Variants in IQSEC3 observed in about 807,000 individuals in gnomAD.
The protein encoded by IQSEC3 is IQ motif and Sec7 domain ArfGEF 3, also known as IQ motif and SEC7 domain-containing protein 3.
A neutral mutation model predicts 105.4 loss-of-function variants in IQSEC3; 50 were observed. The ratio of observed to expected loss-of-function variants is 0.47; its 90% CI spans 0.38 to 0.60. IQSEC3 has a LOEUF of 0.60. Among genes scored for constraint, IQSEC3 ranks in the 20% least tolerant of loss-of-function variants. The pLI is 0.00. For missense variants in IQSEC3, 1,415 were observed against 1,630.0 expected, an observed-to-expected ratio of 0.87 and a Z score of 2.27; for synonymous variants, 708 against 746.0, an observed-to-expected ratio of 0.95 and a Z score of 0.83.
chr12:109,164 C>T (rs1864785921), intron 2 of IQSEC3, among the ~76,000 whole-genome samples: 2 of 152,212 alleles, frequency 1.3e-5, no homozygotes, highest in South Asian at 4.1e-4. Flanking sequence ...TAACTGATCA[C>T]CAGCATTTAA....
At chr12:158,986 G>T (rs12298947) in intron 7 of IQSEC3, among the ~76,000 whole-genome samples, 4,131 of 152,186 alleles carry the variant, frequency 0.027, 164 homozygotes, top group African/African-American at 0.092. Context: ...TTTTAAGCAT[G>T]ATCTATTAAT....
At chr12:153,091 G>C (rs1186275686) in intron 5 of IQSEC3, among the ~76,000 whole-genome samples, 1 of 152,012 alleles carries the variant, frequency 6.6e-6, no homozygotes, top group Non-Finnish European at 1.5e-5. Flanking sequence ...TGAGAGAAGG[G>C]GAGGGAGCAA....
intron 1 of IQSEC3, among the ~76,000 whole-genome samples, chr12:73,908 T>C (rs546802676): frequency 3.2e-4 from 48 of 152,372 alleles, no homozygotes; most frequent in South Asian, 1.0e-3. Flanking sequence ...TGATCTGTAA[T>C]GCTGTCTCAC....
chr12:78,289 C>T (rs1193704960), intron 1 of IQSEC3, among the ~76,000 whole-genome samples: 10 of 151,762 alleles, frequency 6.6e-5, no homozygotes, highest in African/African-American at 2.4e-4. Flanking sequence ...CCGCGGCCTT[C>T]GGGCCGGGTG....
chr12:128,881 C>T (rs781835600), intron 3 of IQSEC3, among the ~76,000 whole-genome samples: 4 of 152,210 alleles, frequency 2.6e-5, no homozygotes, highest in Non-Finnish European at 4.4e-5. Context: ...TGGCTCCTCA[C>T]GGTGTGCAGG....
At chr12:127,410 T>C (rs374405128) in intron 3 of IQSEC3, among the ~76,000 whole-genome samples, 2 of 152,112 alleles carry the variant, frequency 1.3e-5, no homozygotes, top group South Asian at 4.1e-4. Context: ...TCCCAGCTAC[T>C]CAGGAGGCTG....
intron 2 of IQSEC3, among the ~76,000 whole-genome samples, chr12:108,273 G>T (rs942637007): frequency 6.6e-6 from 1 of 152,184 alleles, no homozygotes; most frequent in African/African-American, 2.4e-5. Flanking sequence ...ACTTTGTCCA[G>T]ATCTTTCCAA....
At chr12:157,892 C>T (rs782357537) in intron 7 of IQSEC3, among the ~76,000 whole-genome samples, 198 bp downstream of exon 7, 10 of 152,264 alleles carry the variant, frequency 6.6e-5, no homozygotes, top group Non-Finnish European at 1.2e-4. Context: ...GCCACCGCCA[C>T]CGCTCTACCA....
In IQSEC3 at chr12:123,961, G is replaced by C. The variant is rs561130777; in HGVS notation, c.624-1672G>C. Among the ~76,000 whole-genome samples, 474 of 152,200 alleles carry C rather than the reference G, an allele frequency of 3.1e-3. 1 individual carries two copies. Among genetic ancestry groups the C allele is most frequent in the African/African-American group, 0.011 (455 of 41,518 alleles). On this transcript the variant is annotated intron_variant, in intron 2 of 13. Coordinates refer to ENST00000538872, the MANE Select transcript of IQSEC3 (RefSeq NM_001170738.2). The stretch of plus-strand genomic sequence containing the variant: ...TGTAGAGCCATCCCCGTGGCCCCTG[G>C]GTTCTCCTCAGTTCACCATCAACAA...
chr12:88,981 A>C (rs1322871485), intron 1 of IQSEC3, among the ~76,000 whole-genome samples: 2 of 152,196 alleles, frequency 1.3e-5, no homozygotes, highest in Non-Finnish European at 1.5e-5. Context: ...GTCTTGCTTG[A>C]ATATGAATCC....
chr12:75,364 G>C (rs555680090), intron 1 of IQSEC3, among the ~76,000 whole-genome samples: 1 of 152,248 alleles, frequency 6.6e-6, no homozygotes, highest in South Asian at 2.1e-4. Flanking sequence ...TGCCTTGTTT[G>C]GCTCTGGTAA....
rs1486025898 is a variant in IQSEC3 at position 175,134 on chromosome 12, C to T, written c.*101C>T. The stretch of plus-strand genomic sequence containing the variant: ...TACCCTGGCACGATGCGTTCCTGGT[C>T]ACTGATCACCATCATTTTGGGAAGA... On this transcript the variant is annotated 3_prime_UTR_variant, in exon 14 of 14. Coordinates refer to ENST00000538872, the MANE Select transcript of IQSEC3 (RefSeq NM_001170738.2). The T allele has an allele frequency of 6.7e-6, 6 of 899,418 alleles. No individual in the cohort carries two copies. Among genetic ancestry groups the T allele is most frequent in the Non-Finnish European group, 9.7e-6 (6 of 616,046 alleles). 55.7% of individuals were successfully genotyped at this position (899,418 alleles called of 1,614,324 possible). A position where few individuals can be genotyped will look rare whatever the true frequency, so the allele number is the denominator to read the frequency against.
At chr12:157,283 G>C in intron 6 of IQSEC3, 136 bp downstream of exon 6, 1 of 1,312,306 alleles carries the variant, frequency 7.6e-7, no homozygotes, top group Non-Finnish European at 1.0e-6. Flanking sequence ...GTGTGGGCAG[G>C]AGGATGGCTG....
intron 2 of IQSEC3, among the ~76,000 whole-genome samples, chr12:123,648 T>G (rs74055568): frequency 0.037 from 5,582 of 151,894 alleles, 368 homozygotes; most frequent in African/African-American, 0.13. Context: ...AGAAGGGAGA[T>G]TCTCAACCCC....
At chr12:89,493 C>T (rs537376621) in intron 1 of IQSEC3, among the ~76,000 whole-genome samples, 35 of 152,168 alleles carry the variant, frequency 2.3e-4, no homozygotes, top group Non-Finnish European at 4.7e-4. Context: ...AAAATTCAGC[C>T]GTTTTACATG....
At chr12:155,422 G>C (rs528149439) in intron 5 of IQSEC3, among the ~76,000 whole-genome samples, 1 of 152,180 alleles carries the variant, frequency 6.6e-6, no homozygotes, top group Non-Finnish European at 1.5e-5. Flanking sequence ...CCCTGCCTAC[G>C]GGAGAGAGGC....
chr12:141,024 C>G (rs1865998126), intron 4 of IQSEC3, 100 bp from the exon 5 acceptor site: 2 of 1,262,984 alleles, frequency 1.6e-6, no homozygotes, highest in Non-Finnish European at 2.2e-6. Flanking sequence ...ACTGGATTTC[C>G]AAGAACCTCT....
chr12:123,092 A>G (rs10849581), intron 2 of IQSEC3, among the ~76,000 whole-genome samples: 79,726 of 151,996 alleles, frequency 0.52, 21,773 homozygotes, highest in East Asian at 0.69. Flanking sequence ...TCCCAGTGAC[A>G]CTAGTGAAAA....
intron 1 of IQSEC3, among the ~76,000 whole-genome samples, chr12:82,463 CAAGACAAAGGATTGTTCTTT>C (rs1863777789): frequency 6.6e-6 from 1 of 152,124 alleles, no homozygotes; most frequent in African/African-American, 2.4e-5. Flanking sequence ...GAAGCGGGTT[CAAGACAAAGGATTGTTCTTT>C]AAGATGGGAG....
Sources: gnomAD v4.1 joint callset for allele counts (sites outside exome capture counted in the v4.1 genomes callset) on GRCh38, gnomAD v4.1.1 for gene constraint, MANE v1.5 for transcripts, NCBI Gene and HGNC (gene_info 2026-07-23, HGNC 2026-07-21) for gene names.